Variants in LRSAM1 observed in about 807,000 individuals in gnomAD.
LRSAM1 encodes E3 ubiquitin-protein ligase LRSAM1.
A neutral mutation model predicts 118.1 loss-of-function variants in LRSAM1; 96 were observed. The observed-to-expected ratio is 0.81, with a 90% confidence interval of 0.69 to 0.96. The LOEUF is 0.96. Among genes scored for constraint, LRSAM1 ranks in the 40% least tolerant of loss-of-function variants. The pLI, the probability that LRSAM1 is intolerant of heterozygous loss-of-function variation, is 0.00. For missense variants in LRSAM1, 804 were observed against 915.5 expected, an observed-to-expected ratio of 0.88 and a Z score of 1.57; for synonymous variants, 322 against 364.2, an observed-to-expected ratio of 0.88 and a Z score of 1.32.
Position 127,473,808 on chromosome 9 carries a change from G to A in LRSAM1, c.627G>A (p.Gly209=). 1 of 1,614,196 alleles carries A rather than the reference G, an allele frequency of 6.2e-7. No homozygotes were observed. Among genetic ancestry groups the A allele is most frequent in the Non-Finnish European group, 8.5e-7 (1 of 1,180,042 alleles). The change falls in exon 11 of 26, where the codon GGG becomes GGA. Residue 209 remains glycine (G), a synonymous_variant. Coordinates refer to ENST00000300417, the MANE Select transcript of LRSAM1 (RefSeq NM_001005373.4). ...AILQFLCKES[G]LEYYPPSQYL... ...GTGTCCCGTCTCTTACAGAGTCAGG[G>A]CTGGAATACTACCCCCCTTCTCAGT...
At chr9:127,469,832 G>A (rs1361152261) in intron 10 of LRSAM1, among the ~76,000 whole-genome samples, 1 of 152,116 alleles carries the variant, frequency 6.6e-6, no homozygotes, top group Admixed American at 6.6e-5. Context: ...AGGCGTGGTG[G>A]CGGGCGCCTG....
At chr9:127,469,960 A>G (rs890775912) in intron 10 of LRSAM1, among the ~76,000 whole-genome samples, 2 of 152,220 alleles carry the variant, frequency 1.3e-5, no homozygotes, top group African/African-American at 2.4e-5. Context: ...GCAAGACTCC[A>G]TCTCAAAAAA....
At chr9:127,453,603 A>G in intron 2 of LRSAM1, 1 of 152,244 alleles carries the variant, frequency 6.6e-6, no homozygotes. Context: ...AGTCTGTTAG[A>G]GTCCTCAAAG....
intron 24 of LRSAM1, among the ~76,000 whole-genome samples, chr9:127,498,764 A>G (rs750027134): frequency 3.9e-5 from 6 of 152,178 alleles, no homozygotes; most frequent in Non-Finnish European, 7.4e-5. Flanking sequence ...TTTATATCAA[A>G]TATAGAGGCT....
At chr9:127,482,837 A>T in intron 15 of LRSAM1, 113 bp from the exon 16 acceptor site, 1 of 919,888 alleles carries the variant, frequency 1.1e-6, no homozygotes, top group Non-Finnish European at 1.7e-6. Context: ...GAGCCCATCT[A>T]GGTGTAGGTT....
chr9:127,495,028 T>C (rs1463208779), intron 21 of LRSAM1, among the ~76,000 whole-genome samples: 1 of 152,246 alleles, frequency 6.6e-6, no homozygotes, highest in African/African-American at 2.4e-5. Context: ...CTCAGCTCAC[T>C]GCAACCTCTG....
Position 127,489,620 on chromosome 9 carries a change from C to T in LRSAM1, c.1422+102C>T. On this transcript the variant is annotated intron_variant, in intron 19 of 25. Transcript: ENST00000300417. Reference sequence around the variant, plus strand: ...AGCAGTTGAGGTTTGAACCCCAGCTCCTTGGCTTGCTAGCCCAACAAGAGG... The same window carrying T: ...AGCAGTTGAGGTTTGAACCCCAGCTTCTTGGCTTGCTAGCCCAACAAGAGG... The T allele has an allele frequency of 1.1e-5, 14 of 1,286,740 alleles. No individual in the cohort carries two copies. The South Asian group carries it at 1.8e-4, about 16-fold the overall frequency. The allele number at this position is 1,286,740 out of a possible 1,614,324, so 79.7% of individuals were successfully genotyped here. A position where few individuals can be genotyped will look rare whatever the true frequency, so the allele number is the denominator to read the frequency against.
intron 10 of LRSAM1, among the ~76,000 whole-genome samples, chr9:127,472,422 C>A (rs1835207300): frequency 6.6e-6 from 1 of 151,860 alleles, no homozygotes; most frequent in Admixed American, 6.6e-5. Context: ...CTGGCAGATC[C>A]CCTGAGGTCA....
At chr9:127,467,699 T>G (rs1470900186) in intron 9 of LRSAM1, 41 bp from the exon 10 acceptor site, 1 of 1,567,380 alleles carries the variant, frequency 6.4e-7, no homozygotes, top group Non-Finnish European at 8.7e-7. Flanking sequence ...TCCGGTTGCG[T>G]TGGTAGCGAA....
rs765389102 is a variant in LRSAM1 at position 127,473,824 on chromosome 9, C to G, written c.643C>G (p.Pro215Ala). ...CKESGLEYYP[P>A]SQYLLPILEQ... ...AGAGTCAGGGCTGGAATACTACCCCCCTTCTCAGTACTTGCTGCCAATTCT... is the reference window on the plus strand; with the variant it reads ...AGAGTCAGGGCTGGAATACTACCCCGCTTCTCAGTACTTGCTGCCAATTCT... Residue 215 changes from proline (P) to alanine (A), a missense_variant, in exon 11 of 26, where the codon CCT (proline) becomes GCT (alanine). Coordinates refer to ENST00000300417, the MANE Select transcript of LRSAM1 (RefSeq NM_001005373.4). The G allele has an allele frequency of 3.2e-5, 52 of 1,614,124 alleles. No individual in the cohort carries two copies. Among genetic ancestry groups the G allele is most frequent in the East Asian group, 1.8e-4 (8 of 44,894 alleles).
At chr9:127,492,678 C>T (rs574793937) in intron 20 of LRSAM1, 124 bp from the exon 21 acceptor site, 87 of 850,306 alleles carry the variant, frequency 1.0e-4, no homozygotes, top group Admixed American at 3.4e-4. Context: ...TCCCCCAACG[C>T]AGCCTGGAGG....
chr9:127,468,821 A>AC (rs1274784311), intron 10 of LRSAM1, among the ~76,000 whole-genome samples: 6 of 145,882 alleles, frequency 4.1e-5, no homozygotes, highest in African/African-American at 2.5e-5. Context: ...AAAAAAAAAA[A>AC]AAAAAAAAAA....
At chr9:127,496,504 A>G (rs1836150610) in intron 23 of LRSAM1, among the ~76,000 whole-genome samples, 1 of 152,180 alleles carries the variant, frequency 6.6e-6, no homozygotes, top group Non-Finnish European at 1.5e-5. Context: ...CTTATTCTTC[A>G]AAACAGAATA....
intron 19 of LRSAM1, among the ~76,000 whole-genome samples, chr9:127,489,861 G>A (rs1013237370): frequency 1.3e-5 from 2 of 152,248 alleles, no homozygotes; most frequent in African/African-American, 4.8e-5. Flanking sequence ...TTCCCCACTG[G>A]GAAAAGCAGC....
chr9:127,484,817 T>C lies in LRSAM1; in HGVS notation c.1160-919T>C, dbSNP rs867609370. 2.3e-4 allele frequency among the ~76,000 whole-genome samples: 35 copies of C among 149,590 alleles called. 1 individual carries two copies. Among genetic ancestry groups the C allele is most frequent in the African/African-American group, 8.0e-4 (33 of 41,022 alleles). ...TTTGATTTTTCTTTTTTTCTTTTTT[T>C]TTTTTTTTTGAGATAGGGTCTTGCT... On this transcript the variant is annotated intron_variant, in intron 16 of 25. Coordinates refer to ENST00000300417, the MANE Select transcript of LRSAM1 (RefSeq NM_001005373.4).
chr9:127,478,067 A>AAT (rs1178692710), intron 11 of LRSAM1, among the ~76,000 whole-genome samples: 1 of 152,010 alleles, frequency 6.6e-6, no homozygotes, highest in African/African-American at 2.4e-5. Flanking sequence ...AAAAAAAAAA[A>AAT]AAAGAAGAAC....
intron 10 of LRSAM1, among the ~76,000 whole-genome samples, chr9:127,473,075 A>G (rs1479646692): frequency 6.6e-6 from 1 of 152,240 alleles, no homozygotes; most frequent in Non-Finnish European, 1.5e-5. Context: ...TCGGATGGAT[A>G]ACAAGAGAGC....
At position 127,491,078 on chromosome 9, in the gene LRSAM1, G is replaced by A. The variant is rs1588132498; in HGVS notation, c.1423-137G>A. 1.0e-5 allele frequency: 8 copies of A among 766,392 alleles called. No homozygotes were observed. In the East Asian group the frequency reaches 1.7e-4, roughly 16 times the overall value. The allele number at this position is 766,392 out of a possible 1,614,324, so 47.5% of individuals were successfully genotyped here. A position where few individuals can be genotyped will look rare whatever the true frequency, so the allele number is the denominator to read the frequency against. The stretch of plus-strand genomic sequence containing the variant: ...CCTTGACGAGGTTCCCAGGCCCGCA[G>A]GTTCCCCTCATTCCAGAGCCTCCCC... On this transcript the variant is annotated intron_variant, in intron 19 of 25. Transcript: ENST00000300417.
In LRSAM1 at chr9:127,485,518, T is replaced by A. The variant is rs1344167356; in HGVS notation, c.1160-218T>A. Among the ~76,000 whole-genome samples the A allele has an allele frequency of 2.0e-5, 3 of 152,122 alleles. No homozygotes were observed. The East Asian group carries it at 5.8e-4, about 29-fold the overall frequency. ...TTGCAGTGAGCTGAGATCGCACCACTGCACTCCAGCCTGGGTGACAGAGTG... is the reference window on the plus strand; with the variant it reads ...TTGCAGTGAGCTGAGATCGCACCACAGCACTCCAGCCTGGGTGACAGAGTG... On this transcript the variant is annotated intron_variant, in intron 16 of 25. Transcript: ENST00000300417.
Sources: allele counts gnomAD v4.1 joint callset (sites outside exome capture counted in the v4.1 genomes callset), GRCh38; gene constraint gnomAD v4.1.1; transcripts MANE v1.5; gene names NCBI Gene and HGNC (gene_info 2026-07-23, HGNC 2026-07-21).